The following PGLYRP3 variants were observed in gnomAD, a reference collection of about 807,000 sequenced individuals.
PGLYRP3 encodes peptidoglycan recognition protein 3.
A neutral mutation model predicts 36.0 loss-of-function variants in PGLYRP3; 39 were observed. The observed-to-expected ratio is 1.08, with a 90% CI of 0.84 to 1.41. PGLYRP3 has a LOEUF of 1.41. PGLYRP3 is among the 40% of genes most tolerant of loss of function. The pLI, the probability that PGLYRP3 is intolerant of heterozygous loss-of-function variation, is 0.00. For synonymous variants in PGLYRP3, 204 were observed against 172.8 expected, an observed-to-expected ratio of 1.18 and a Z score of -1.42; for missense variants, 407 against 427.9, an observed-to-expected ratio of 0.95 and a Z score of 0.43.
chr1:153,303,409 ATCCCACTCCAT>A (rs1382477244), intron 5 of PGLYRP3, among the ~76,000 whole-genome samples: 1 of 152,212 alleles, frequency 6.6e-6, no homozygotes, highest in Non-Finnish European at 1.5e-5. Flanking sequence ...ATACATGTTA[ATCCCACTCCAT>A]TCCCACTCTA....
intron 7 of PGLYRP3, 114 bp downstream of exon 7, chr1:153,298,999 A>C: frequency 1.2e-6 from 1 of 814,326 alleles, no homozygotes; most frequent in South Asian, 1.5e-5. Flanking sequence ...TAAAGCTAAA[A>C]TGTTCCATTC....
intron 2 of PGLYRP3, among the ~76,000 whole-genome samples, chr1:153,308,942 C>T (rs1408244066): frequency 6.6e-6 from 1 of 152,178 alleles, no homozygotes; most frequent in Admixed American, 6.6e-5. Flanking sequence ...CTAATCAAAC[C>T]GTCGGTACCC....
chr1:153,299,224 C>T lies in PGLYRP3; in HGVS notation c.736G>A (p.Val246Met). 6.2e-7 allele frequency: 1 copy of T among 1,613,664 alleles called. No homozygotes were observed. Among genetic ancestry groups the T allele is most frequent in the South Asian group, 1.1e-5 (1 of 91,034 alleles). Residue 246 changes from valine (V) to methionine (M), a missense_variant, in exon 7 of 8, where the codon GTG becomes ATG. Physicochemically the swap from Val to Met is conservative, Grantham distance 21 (BLOSUM62 1). Coordinates refer to ENST00000683862, the MANE Select transcript of PGLYRP3 (RefSeq NM_052891.3). ...TCATACACGCCACCATCCTGGCCCA[C>T]CAGGAAGCTTAGGTCAGGAAAAGAA... ...NFCDIGYHFL[V>M]GQDGGVYEGV...
rs376486442 is a variant in PGLYRP3, at chr1:153,310,686, G to A, written c.-21C>T. 91 of 1,612,298 alleles carry A rather than the reference G, an allele frequency of 5.6e-5. No homozygotes were observed. In the African/African-American group the frequency reaches 6.5e-4, roughly 12 times the overall value. ...CCCATGTGGTCCCAGGACTCTGACC[G>A]GGAGAGTGTGGACGGCAGCCCTGGA... On this transcript the variant is annotated 5_prime_UTR_variant, in exon 2 of 8. Coordinates refer to ENST00000683862, the MANE Select transcript of PGLYRP3 (RefSeq NM_052891.3).
chr1:153,301,071 C>T (rs1377596950), intron 6 of PGLYRP3, among the ~76,000 whole-genome samples: 6 of 152,152 alleles, frequency 3.9e-5, no homozygotes, highest in Non-Finnish European at 7.4e-5. Flanking sequence ...GTATACATGT[C>T]ACCACACCCA....
rs144079976 is a variant in PGLYRP3 at position 153,299,160 on chromosome 1, C to A, written c.800G>T (p.Gly267Val). 1 of 1,614,016 alleles carries A rather than the reference C, an allele frequency of 6.2e-7. No individual in the cohort carries two copies. Among genetic ancestry groups the A allele is most frequent in the East Asian group, 2.2e-5 (1 of 44,898 alleles). The change falls in exon 7 of 8, where the codon GGA (glycine) becomes GTA (valine). Residue 267 changes from glycine (G) to valine (V), a missense_variant. Physicochemically the swap from Gly to Val is moderately radical, Grantham distance 109. Transcript: ENST00000683862. The stretch of plus-strand genomic sequence containing the variant: ...AATTCCTAGGGCAATATCGTTGAAT[C>A]CATAAGTGTGAGAGCCTTGGATGTG... ...GWHIQGSHTY[G>V]FNDIALGIAF...
intron 1 of PGLYRP3, among the ~76,000 whole-genome samples, chr1:153,311,751 G>T (rs1659901294): frequency 6.6e-6 from 1 of 152,090 alleles, no homozygotes; most frequent in African/African-American, 2.4e-5. Flanking sequence ...TGCCCTCCAG[G>T]GTTTTTAAAC....
chr1:153,299,801 A>G (rs1659540810), intron 6 of PGLYRP3, among the ~76,000 whole-genome samples: 1 of 152,186 alleles, frequency 6.6e-6, no homozygotes, highest in Non-Finnish European at 1.5e-5. Context: ...AAATTGGACA[A>G]CACCCTGAAT....
chr1:153,310,866 C>T, intron 1 of PGLYRP3, 160 bp from the exon 2 acceptor site: 1 of 532,888 alleles, frequency 1.9e-6, no homozygotes, highest in Non-Finnish European at 3.4e-6. Context: ...ACATCAGGTT[C>T]CCAATAAATG....
chr1:153,308,144 G>A (rs1215538536), intron 2 of PGLYRP3, among the ~76,000 whole-genome samples: 1 of 152,040 alleles, frequency 6.6e-6, no homozygotes, highest in Non-Finnish European at 1.5e-5. Flanking sequence ...ACAGGTGCAT[G>A]CCACTATGCC....
intron 2 of PGLYRP3, among the ~76,000 whole-genome samples, chr1:153,309,227 C>T (rs908167367): frequency 6.6e-6 from 1 of 152,152 alleles, no homozygotes; most frequent in Non-Finnish European, 1.5e-5. Context: ...ACAGACCAGC[C>T]CTGTGGTTAC....
chr1:153,307,246 C>A lies in PGLYRP3; in HGVS notation c.77G>T (p.Arg26Leu), dbSNP rs760915273. 43 of 1,605,484 alleles carry A rather than the reference C, an allele frequency of 2.7e-5. No individual in the cohort carries two copies. The Admixed American group carries it at 5.8e-4, about 22-fold the overall frequency. The change falls in exon 3 of 8, where the codon CGC becomes CTC. Residue 26 changes from arginine to leucine, a missense_variant. Physicochemically the swap from Arg to Leu is moderately radical, Grantham distance 102 (BLOSUM62 -2). Transcript: ENST00000683862. ...GAGCGGTCTTGCCCCCCACTCCTTGCGGGAGACGATGGTGGGAGTATCTGT... is the reference window on the plus strand; with the variant it reads ...GAGCGGTCTTGCCCCCCACTCCTTGAGGGAGACGATGGTGGGAGTATCTGT... The part of the protein sequence containing the change: ...QAWDTPTIVS[R>L]KEWGARPLAC...
At chr1:153,304,821 G>A in intron 4 of PGLYRP3, 126 bp downstream of exon 4, 1 of 689,396 alleles carries the variant, frequency 1.5e-6, no homozygotes, top group South Asian at 2.5e-5. Flanking sequence ...AGAATTTCAA[G>A]AGAAGGGTGA....
intron 1 of PGLYRP3, among the ~76,000 whole-genome samples, chr1:153,311,913 C>T (rs999095325): frequency 6.6e-6 from 1 of 152,174 alleles, no homozygotes; most frequent in Admixed American, 6.5e-5. Flanking sequence ...ACAAAATGAG[C>T]TAATTACAAA....
At chr1:153,306,682 G>A (rs1659745849) in intron 3 of PGLYRP3, among the ~76,000 whole-genome samples, 1 of 152,208 alleles carries the variant, frequency 6.6e-6, no homozygotes, top group Admixed American at 6.5e-5. Context: ...TTTCCCGCCT[G>A]TGAAATAAGG....
chr1:153,305,169 T>C (rs1659709654), intron 3 of PGLYRP3, 104 bp from the exon 4 acceptor site: 19 of 827,034 alleles, frequency 2.3e-5, no homozygotes, highest in Non-Finnish European at 3.7e-5. Flanking sequence ...AAGTAAGTAC[T>C]ATGTTCCAAT....
At chr1:153,308,205 A>G (rs1659802849) in intron 2 of PGLYRP3, among the ~76,000 whole-genome samples, 1 of 152,172 alleles carries the variant, frequency 6.6e-6, no homozygotes, top group Non-Finnish European at 1.5e-5. Context: ...CGTGTTAGCC[A>G]GAATGGTCTC....
chr1:153,303,501 C>T (rs821427), intron 5 of PGLYRP3, among the ~76,000 whole-genome samples: 67,657 of 152,090 alleles, frequency 0.44, 16,099 homozygotes, highest in East Asian at 0.65. Context: ...TTTTCTGTCT[C>T]TTCTCACTGA....
At chr1:153,305,249 T>C (rs1017228709) in intron 3 of PGLYRP3, among the ~76,000 whole-genome samples, 184 bp from the exon 4 acceptor site, 1 of 152,188 alleles carries the variant, frequency 6.6e-6, no homozygotes, top group African/African-American at 2.4e-5. Context: ...TATTTTAATT[T>C]TTGTTGGGAT....
Sources: allele counts gnomAD v4.1 joint callset (sites outside exome capture counted in the v4.1 genomes callset), GRCh38; gene constraint gnomAD v4.1.1; transcripts MANE v1.5; gene names NCBI Gene and HGNC (gene_info 2026-07-23, HGNC 2026-07-21).